The following NPRL2 variants were observed in gnomAD, a reference collection of about 807,000 sequenced individuals.
The protein encoded by NPRL2 is GATOR1 complex protein NPRL2.
A neutral mutation model predicts 51.1 loss-of-function variants in NPRL2; 21 were observed. That is an observed-to-expected ratio of 0.41 (90% CI 0.29 to 0.59). The LOEUF (loss-of-function observed/expected upper bound fraction) is 0.59. Among genes scored for constraint, NPRL2 ranks in the 20% least tolerant of loss-of-function variants. The pLI, the probability that NPRL2 is intolerant of heterozygous loss-of-function variation, is 0.29. For synonymous variants in NPRL2, 175 were observed against 187.8 expected (o/e 0.93, Z 0.56); for missense variants, 376 against 483.4 (o/e 0.78, Z 2.08).
chr3:50,348,057 T>G lies in NPRL2; in HGVS notation c.932+67A>C. The G allele has an allele frequency of 6.3e-7, 1 of 1,593,416 alleles. No individual in the cohort carries two copies. The highest frequency in any genetic ancestry group is 1.1e-5 in the South Asian group (1 of 90,466). On this transcript the variant is annotated intron_variant, in intron 9 of 10. Coordinates refer to ENST00000232501, the MANE Select transcript of NPRL2 (RefSeq NM_006545.5). The surrounding 1 kb of genome is among the most constrained non-coding windows in gnomAD (Gnocchi z 5.8). Reference sequence around the variant, plus strand: ...GCAGTGCCCCATGATCCAGGGCTCCTGAGAGACATAAAGGGTCTAGCTTCC... The same window carrying G: ...GCAGTGCCCCATGATCCAGGGCTCCGGAGAGACATAAAGGGTCTAGCTTCC...
rs1393501650 is a variant in NPRL2 at position 50,347,669 on chromosome 3, C to A, written c.1080G>T (p.Met360Ile). The change falls in exon 11 of 11, where the codon ATG becomes ATT. Residue 360 changes from methionine to isoleucine, a missense_variant. By Grantham distance (10) the Met-to-Ile change is conservative (BLOSUM62 1). Coordinates refer to ENST00000232501, the MANE Select transcript of NPRL2 (RefSeq NM_006545.5). Reference sequence around the variant, plus strand: ...GCCGCTCATCCAGCTCATGGTAGCTCATGCCTGGGTGGGGTGGTGGAGGAG... The same window carrying A: ...GCCGCTCATCCAGCTCATGGTAGCTAATGCCTGGGTGGGGTGGTGGAGGAG... ...SYDEICCKTG[M>I]SYHELDERLE... is the part of the protein sequence containing the mutation. 2 of 1,614,094 alleles carry A rather than the reference C, an allele frequency of 1.2e-6. No homozygotes were observed. Among genetic ancestry groups the A allele is most frequent in the South Asian group, 1.1e-5 (1 of 91,082 alleles).
In NPRL2 at chr3:50,350,215, T is replaced by G; in HGVS notation, c.79-193A>C. The stretch of plus-strand genomic sequence containing the variant: ...TCTCACCTCCTTCCTGGCTTCTGCA[T>G]ATGCTGTTCCCTCTACCTGGAACAC... On this transcript the variant is annotated intron_variant, in intron 1 of 10. Transcript: ENST00000232501. This position sits in a 1 kb window ranked among gnomAD's most constrained non-coding sequence, Gnocchi z 5.7. 1.7e-6 allele frequency: 1 copy of G among 605,048 alleles called. No homozygotes were observed. Among genetic ancestry groups the G allele is most frequent in the Non-Finnish European group, 2.9e-6 (1 of 341,380 alleles). The allele number at this position is 605,048 out of a possible 1,614,324, so 37.5% of individuals were successfully genotyped here.
Position 50,349,811 on chromosome 3 carries a change from T to C in NPRL2, c.193A>G (p.Ile65Val). 1 of 1,612,554 alleles carries C rather than the reference T, an allele frequency of 6.2e-7. No homozygotes were observed. Among genetic ancestry groups the C allele is most frequent in the Non-Finnish European group, 8.5e-7 (1 of 1,178,852 alleles). ...TGTTCGATGCACACAGGACAGCCGATCAGCTTCTTTTCCATAGCTGTGCTG... is the reference window on the plus strand; with the variant it reads ...TGTTCGATGCACACAGGACAGCCGACCAGCTTCTTTTCCATAGCTGTGCTG... Reference protein sequence around the residue: ...ITVTAMEKKLIGCPVCIEHKK... With the variant: ...ITVTAMEKKLVGCPVCIEHKK... The change falls in exon 3 of 11, where the codon ATC becomes GTC. Residue 65 changes from isoleucine to valine, a missense_variant. By Grantham distance (29) the Ile-to-Val change is conservative (BLOSUM62 3). Coordinates refer to ENST00000232501, the MANE Select transcript of NPRL2 (RefSeq NM_006545.5). This position sits in a 1 kb window ranked among gnomAD's most constrained non-coding sequence, Gnocchi z 4.6.
Position 50,349,446 on chromosome 3 carries a change from G to T in NPRL2, c.388C>A (p.Pro130Thr). The change falls in exon 4 of 11, where the codon CCC becomes ACC. Residue 130 changes from proline (P) to threonine (T), a missense_variant. By Grantham distance (38) the Pro-to-Thr change is conservative. Coordinates refer to ENST00000232501, the MANE Select transcript of NPRL2 (RefSeq NM_006545.5). This position sits in a 1 kb window ranked among gnomAD's most constrained non-coding sequence, Gnocchi z 4.6. Reference protein sequence around the residue: ...SMEESKQKLVPIMTILLEELN... With the variant: ...SMEESKQKLVTIMTILLEELN... ...TCCTCCAGCAAGATGGTCATGATGG[G>T]CACCAACTTCTGCTTGCTCTCCTCC... The T allele has an allele frequency of 6.2e-7, 1 of 1,613,748 alleles. No individual in the cohort carries two copies. The highest frequency in any genetic ancestry group is 8.5e-7 in the Non-Finnish European group (1 of 1,179,994).
At position 50,350,717 on chromosome 3, in the gene NPRL2, G is replaced by T; in HGVS notation, c.-65C>A. The stretch of plus-strand genomic sequence containing the variant: ...GCGCAGAGGCGTCCCCACCTCCTGT[G>T]AACACTTGTCAGAGACAGCCTCGAG... On this transcript the variant is annotated 5_prime_UTR_variant, in exon 1 of 11. Coordinates refer to ENST00000232501, the MANE Select transcript of NPRL2 (RefSeq NM_006545.5). The surrounding 1 kb of genome is among the most constrained non-coding windows in gnomAD (Gnocchi z 5.7). 6.5e-7 allele frequency: 1 copy of T among 1,547,490 alleles called. No homozygotes were observed. Among genetic ancestry groups the T allele is most frequent in the Non-Finnish European group, 8.7e-7 (1 of 1,147,026 alleles).
In NPRL2 at chr3:50,349,728, C is replaced by T; in HGVS notation, c.276G>A (p.Gln92=). Reference sequence around the variant, plus strand: ...TGGGCTCGAGGGCGCAGGTCTTGGCCTGGGCATCACACACGAAGCCCAGGT... The same window carrying T: ...TGGGCTCGAGGGCGCAGGTCTTGGCTTGGGCATCACACACGAAGCCCAGGT... ...LFNLGFVCDA[Q]AKTCALEPIV... The change falls in exon 3 of 11, where the codon CAG becomes CAA. Residue 92 remains glutamine, a synonymous_variant. Transcript: ENST00000232501. The surrounding 1 kb of genome is among the most constrained non-coding windows in gnomAD (Gnocchi z 4.6). The T allele has an allele frequency of 1.2e-6, 2 of 1,613,946 alleles. No homozygotes were observed. The highest frequency in any genetic ancestry group is 1.7e-6 in the Non-Finnish European group (2 of 1,180,002).
Position 50,350,698 on chromosome 3 carries a change from A to G in NPRL2, c.-46T>C. The G allele has an allele frequency of 6.4e-7, 1 of 1,564,782 alleles. No individual in the cohort carries two copies. ...CCGTAGCTCCTCGTTCCTCGCGCAG[A>G]GGCGTCCCCACCTCCTGTGAACACT... On this transcript the variant is annotated 5_prime_UTR_variant, in exon 1 of 11. Transcript: ENST00000232501. The surrounding 1 kb of genome is among the most constrained non-coding windows in gnomAD (Gnocchi z 5.7).
chr3:50,349,006 C>T lies in NPRL2; in HGVS notation c.453G>A (p.Glu151=), dbSNP rs1251532786. ...ASGRCTLPID[E]SNTIHLKVIE... ...TCACCTTCAAGTGGATGGTGTTGGA[C>T]TCATCTGCAGGGGGCCCCATCCATA... The change falls in exon 5 of 11, where the codon GAG becomes GAA. Residue 151 remains glutamate, a synonymous_variant. Transcript: ENST00000232501. The surrounding 1 kb of genome is among the most constrained non-coding windows in gnomAD (Gnocchi z 4.6). 6.2e-7 allele frequency: 1 copy of T among 1,613,494 alleles called. No individual in the cohort carries two copies. Among genetic ancestry groups the T allele is most frequent in the South Asian group, 1.1e-5 (1 of 91,034 alleles).
chr3:50,348,858 G>C lies in NPRL2; in HGVS notation c.585+16C>G. The C allele has an allele frequency of 6.2e-7, 1 of 1,613,976 alleles. No homozygotes were observed. Among genetic ancestry groups the C allele is most frequent in the Non-Finnish European group, 8.5e-7 (1 of 1,179,946 alleles). ...GGCCAGCCCCAGGTGATGATACCCAGGGAGGGATGGCATACTTGTTGTGTA... is the reference window on the plus strand; with the variant it reads ...GGCCAGCCCCAGGTGATGATACCCACGGAGGGATGGCATACTTGTTGTGTA... On this transcript the variant is annotated intron_variant, in intron 5 of 10. Transcript: ENST00000232501. This position sits in a 1 kb window ranked among gnomAD's most constrained non-coding sequence, Gnocchi z 5.8.
Position 50,348,072 on chromosome 3 carries a change from G to T in NPRL2, c.932+52C>A. ...CCAGGGCTCCTGAGAGACATAAAGGGTCTAGCTTCCCTCAGGTAACTCCCA... is the reference window on the plus strand; with the variant it reads ...CCAGGGCTCCTGAGAGACATAAAGGTTCTAGCTTCCCTCAGGTAACTCCCA... On this transcript the variant is annotated intron_variant, in intron 9 of 10. Coordinates refer to ENST00000232501, the MANE Select transcript of NPRL2 (RefSeq NM_006545.5). This position sits in a 1 kb window ranked among gnomAD's most constrained non-coding sequence, Gnocchi z 5.8. 2 of 1,599,134 alleles carry T rather than the reference G, an allele frequency of 1.3e-6. No homozygotes were observed. The highest frequency in any genetic ancestry group is 1.7e-6 in the Non-Finnish European group (2 of 1,166,986).
chr3:50,349,803 A>G lies in NPRL2; in HGVS notation c.201T>C (p.Cys67=). Residue 67 remains cysteine (C), a synonymous_variant, in exon 3 of 11, where the codon TGT becomes TGC. Transcript: ENST00000232501. The surrounding 1 kb of genome is among the most constrained non-coding windows in gnomAD (Gnocchi z 4.6). The part of the protein sequence containing the change: ...VTAMEKKLIG[C]PVCIEHKKYS... The stretch of plus-strand genomic sequence containing the variant: ...ACTTCTTGTGTTCGATGCACACAGG[A>G]CAGCCGATCAGCTTCTTTTCCATAG... The G allele has an allele frequency of 6.2e-7, 1 of 1,613,128 alleles. No individual in the cohort carries two copies. Among genetic ancestry groups the G allele is most frequent in the Non-Finnish European group, 8.5e-7 (1 of 1,179,322 alleles).
chr3:50,349,506 A>G lies in NPRL2; in HGVS notation c.340-12T>C. 6.2e-7 allele frequency: 1 copy of G among 1,613,446 alleles called. No individual in the cohort carries two copies. ...AAGCTGCTCTCTAGCTAGACAGAGCATGGAAAGCATGGTGGGCACATCCCA... is the reference window on the plus strand; with the variant it reads ...AAGCTGCTCTCTAGCTAGACAGAGCGTGGAAAGCATGGTGGGCACATCCCA... On this transcript the variant is annotated splice_polypyrimidine_tract_variant and intron_variant, in intron 3 of 10. Transcript: ENST00000232501. This position sits in a 1 kb window ranked among gnomAD's most constrained non-coding sequence, Gnocchi z 4.6.
Position 50,348,827 on chromosome 3 carries a change from G to A in NPRL2, c.586-45C>T, listed in dbSNP as rs767700708. 1 of 1,613,968 alleles carries A rather than the reference G, an allele frequency of 6.2e-7. No individual in the cohort carries two copies. ...GTCAGAAGAAACAGGATGAGGCCAG[G>A]GCTGTGGCCAGCCCCAGGTGATGAT... is the stretch of plus-strand genomic sequence containing the variant. On this transcript the variant is annotated intron_variant, in intron 5 of 10. Coordinates refer to ENST00000232501, the MANE Select transcript of NPRL2 (RefSeq NM_006545.5). This position sits in a 1 kb window ranked among gnomAD's most constrained non-coding sequence, Gnocchi z 5.8.
chr3:50,349,462 G>C lies in NPRL2; in HGVS notation c.372C>G (p.Ser124Arg), dbSNP rs1443507454. The C allele has an allele frequency of 1.2e-6, 2 of 1,613,782 alleles. No individual in the cohort carries two copies. Among genetic ancestry groups the C allele is most frequent in the Non-Finnish European group, 1.7e-6 (2 of 1,180,012 alleles). Residue 124 changes from serine to arginine, a missense_variant, in exon 4 of 11, where the codon AGC becomes AGG. By Grantham distance (110) the Ser-to-Arg change is moderately radical. Transcript: ENST00000232501. This position sits in a 1 kb window ranked among gnomAD's most constrained non-coding sequence, Gnocchi z 4.6. ...LESSFVSMEESKQKLVPIMTI... is the reference protein window; with the variant it reads ...LESSFVSMEERKQKLVPIMTI... ...TCATGATGGGCACCAACTTCTGCTT[G>C]CTCTCCTCCATGGACACGAAGCTGC...
chr3:50,350,049 C>G lies in NPRL2; in HGVS notation c.79-27G>C. 2 of 1,584,406 alleles carry G rather than the reference C, an allele frequency of 1.3e-6. No homozygotes were observed. Among genetic ancestry groups the G allele is most frequent in the South Asian group, 1.1e-5 (1 of 90,304 alleles). ...TGGGGAGGGGAGTGGCAATGGGCCC[C>G]TCAGTGGACATCTGTACTGGGTGTA... On this transcript the variant is annotated intron_variant, in intron 1 of 10. Coordinates refer to ENST00000232501, the MANE Select transcript of NPRL2 (RefSeq NM_006545.5). The surrounding 1 kb of genome is among the most constrained non-coding windows in gnomAD (Gnocchi z 5.7).
chr3:50,347,956 AG>A lies in NPRL2; in HGVS notation c.933-56del, dbSNP rs1416753732. 3.7e-6 allele frequency: 6 copies of A among 1,609,286 alleles called. No individual in the cohort carries two copies. In the African/African-American group the frequency reaches 8.0e-5, roughly 21 times the overall value. On this transcript the variant is annotated intron_variant, in intron 9 of 10. Transcript: ENST00000232501. The stretch of plus-strand genomic sequence containing the variant: ...GCCCTGGCCAGGCCTTCTTTCAGGC[AG>A]GCCAACCCTTTCCTGTAGTCTCCCT...
rs1305716049 is a variant in NPRL2 at position 50,349,841 on chromosome 3, A to T, written c.171-8T>A. 6.2e-7 allele frequency: 1 copy of T among 1,611,702 alleles called. No homozygotes were observed. The highest frequency in any genetic ancestry group is 8.5e-7 in the Non-Finnish European group (1 of 1,178,296). On this transcript the variant is annotated splice_region_variant and splice_polypyrimidine_tract_variant and intron_variant, in intron 2 of 10. Coordinates refer to ENST00000232501, the MANE Select transcript of NPRL2 (RefSeq NM_006545.5). This position sits in a 1 kb window ranked among gnomAD's most constrained non-coding sequence, Gnocchi z 4.6. Reference sequence around the variant, plus strand: ...TTCTTTTCCATAGCTGTGCTGGATAATTGGAACACAGTCAGGCCCCCAAGC... The same window carrying T: ...TTCTTTTCCATAGCTGTGCTGGATATTTGGAACACAGTCAGGCCCCCAAGC...
At position 50,349,329 on chromosome 3, in the gene NPRL2, G is replaced by A. The variant is rs1703667922; in HGVS notation, c.448+57C>T. On this transcript the variant is annotated intron_variant, in intron 4 of 10. Transcript: ENST00000232501. The surrounding 1 kb of genome is among the most constrained non-coding windows in gnomAD (Gnocchi z 4.6). ...CTTGCCCTTCTCCCTGACTAGCTGG[G>A]TTCACTTTCCCATCTCTCCTCTACC... is the stretch of plus-strand genomic sequence containing the variant. 6.8e-7 allele frequency: 1 copy of A among 1,470,402 alleles called. No homozygotes were observed. The allele number at this position is 1,470,402 out of a possible 1,614,324, so 91.1% of individuals were successfully genotyped here.
chr3:50,348,477 G>A lies in NPRL2; in HGVS notation c.720+50C>T. 6.2e-7 allele frequency: 1 copy of A among 1,613,572 alleles called. No individual in the cohort carries two copies. The highest frequency in any genetic ancestry group is 8.5e-7 in the Non-Finnish European group (1 of 1,179,682). On this transcript the variant is annotated intron_variant, in intron 7 of 10. Coordinates refer to ENST00000232501, the MANE Select transcript of NPRL2 (RefSeq NM_006545.5). This position sits in a 1 kb window ranked among gnomAD's most constrained non-coding sequence, Gnocchi z 5.8. The stretch of plus-strand genomic sequence containing the variant: ...TGGGAAGCTGACACAGCCCTGGTCT[G>A]GTCCAGCCACATGATCCACTCTCCA...
Sources: allele counts gnomAD v4.1 joint callset, GRCh38; gene constraint gnomAD v4.1.1; non-coding constraint Gnocchi (gnomAD v3.1); transcripts MANE v1.5; gene names NCBI Gene and HGNC (gene_info 2026-07-23, HGNC 2026-07-21).